Variants in GJB6 observed in about 807,000 individuals in gnomAD.
The protein encoded by GJB6 is gap junction beta-6 protein.
GJB6 carries 5 observed loss-of-function variants against 5.4 expected under a neutral mutation model. That is an observed-to-expected ratio of 0.92 (90% CI 0.48 to 1.93). The LOEUF (loss-of-function observed/expected upper bound fraction) is 1.93, where lower values mean the gene tolerates loss of function less well. Among genes scored for constraint, GJB6 ranks in the 30% most tolerant of loss-of-function variants. The probability of loss-of-function intolerance (pLI) is 0.01; values close to 1 mark genes in which losing one functional copy is unlikely to be tolerated. For missense variants in GJB6, 298 were observed against 326.9 expected, an observed-to-expected ratio of 0.91 and a Z score of 0.68; for synonymous variants, 136 against 129.6, an observed-to-expected ratio of 1.05 and a Z score of -0.34.
chr13:20,224,356 C>T (rs772353293), intron 4 of GJB6, among the ~76,000 whole-genome samples: 3 of 152,226 alleles, frequency 2.0e-5, no homozygotes, highest in Non-Finnish European at 4.4e-5. Context: ...ATCTGCCATA[C>T]TCATGTGTTC....
At chr13:20,223,639 G>A in intron 4 of GJB6, 144 bp from the exon 5 acceptor site, 1 of 736,904 alleles carries the variant, frequency 1.4e-6, no homozygotes, top group South Asian at 1.5e-5. Flanking sequence ...GCTAGTCTGA[G>A]GTTTTCTGAA....
At position 20,232,243 on chromosome 13, in the gene GJB6, C is replaced by T. The variant is rs1036196103; in HGVS notation, c.-469G>A. 1 of 151,992 alleles carries T rather than the reference C, an allele frequency of 6.6e-6. No homozygotes were observed. Among genetic ancestry groups the T allele is most frequent in the African/African-American group, 2.4e-5 (1 of 41,422 alleles). The allele number at this position is 151,992 out of a possible 1,614,324, so 9.4% of individuals were successfully genotyped here. A position where few individuals can be genotyped will look rare whatever the true frequency, so the allele number is the denominator to read the frequency against. Reference sequence around the variant, plus strand: ...CGCGGGCTCTGCGCGGGGCGGCGCCCTTCGCTCCGGCTGGGCAGGCAGGTC... The same window carrying T: ...CGCGGGCTCTGCGCGGGGCGGCGCCTTTCGCTCCGGCTGGGCAGGCAGGTC... On this transcript the variant is annotated 5_prime_UTR_variant, in exon 1 of 5. Transcript: ENST00000647029.
chr13:20,228,705 C>A (rs12870711), intron 4 of GJB6, among the ~76,000 whole-genome samples: 5 of 150,216 alleles, frequency 3.3e-5, no homozygotes, highest in African/African-American at 1.2e-4. Context: ...AGGATGGTCT[C>A]GATCTCCTGA....
chr13:20,223,224 G>T lies in GJB6; in HGVS notation c.257C>A (p.Thr86Asn). ...LWALQLIFVS[T>N]PALLVAMHVA... ...ATGCATGGCCACCAGCAGCGCTGGG[G>T]TGGAGACGAAGATCAGCTGGAGGGC... is the stretch of plus-strand genomic sequence containing the variant. Residue 86 changes from threonine (T) to asparagine (N), a missense_variant, in exon 5 of 5, where the codon ACC becomes AAC. Physicochemically the swap from Thr to Asn is moderately conservative, Grantham distance 65. Transcript: ENST00000647029. 1.2e-6 allele frequency: 2 copies of T among 1,610,448 alleles called. No individual in the cohort carries two copies. The highest frequency in any genetic ancestry group is 1.7e-6 in the Non-Finnish European group (2 of 1,177,116).
chr13:20,223,968 CGA>C (rs1491218677), intron 4 of GJB6, among the ~76,000 whole-genome samples: 2 of 145,560 alleles, frequency 1.4e-5, no homozygotes, highest in African/African-American at 5.2e-5. Context: ...GACTCTGTCT[CGA>C]AAAAAAAAAA....
intron 4 of GJB6, among the ~76,000 whole-genome samples, chr13:20,228,493 G>GTTTTTTTTTGT (rs200585465): frequency 7.0e-6 from 1 of 142,986 alleles, no homozygotes; most frequent in African/African-American, 2.6e-5. Context: ...TTTGTTTTTT[G>GTTTTTTTTTGT]TTTTTTTTGA....
At chr13:20,229,810 C>T (rs967645579) in intron 3 of GJB6, 61 bp from the exon 4 acceptor site, 29 of 131,822 alleles carry the variant, frequency 2.2e-4, no homozygotes, top group Non-Finnish European at 4.2e-4. Context: ...CCCCCGCCCC[C>T]CGCAATATGT....
Position 20,228,671 on chromosome 13 carries a change from A to G in GJB6, c.-16+909T>C, listed in dbSNP as rs1265619058. ...GGCTAATTTTTTGTATTTTTAGTAG[A>G]GACGGGGTTTCACCGTGTTAGCCAG... On this transcript the variant is annotated intron_variant, in intron 4 of 4. Coordinates refer to ENST00000647029, the MANE Select transcript of GJB6 (RefSeq NM_001110219.3). 8.6e-5 allele frequency among the ~76,000 whole-genome samples: 11 copies of G among 128,122 alleles called. No homozygotes were observed. The South Asian group carries it at 1.1e-3, about 13-fold the overall frequency. The allele number at this position is 128,122 out of a possible 152,430, so 84.1% of individuals were successfully genotyped here. A position where few individuals can be genotyped will look rare whatever the true frequency, so the allele number is the denominator to read the frequency against.
chr13:20,228,727 G>C (rs373176993), intron 4 of GJB6, among the ~76,000 whole-genome samples: 2 of 151,204 alleles, frequency 1.3e-5, no homozygotes, highest in Non-Finnish European at 2.9e-5. Context: ...CTCATGATCC[G>C]CCCCCCTTGG....
intron 4 of GJB6, among the ~76,000 whole-genome samples, chr13:20,224,245 A>G (rs1245442904): frequency 1.3e-5 from 2 of 152,176 alleles, no homozygotes. Context: ...TTGGAATGAC[A>G]TATTCTAGTT....
In GJB6 at chr13:20,225,131, G is replaced by A. The variant is rs75243051; in HGVS notation, c.-15-1636C>T. Reference sequence around the variant, plus strand: ...ACTCCTAGTTCCGTTGGCTTTCTGAGAAATTGTTTTTTTTGCCCTTGGTTG... The same window carrying A: ...ACTCCTAGTTCCGTTGGCTTTCTGAAAAATTGTTTTTTTTGCCCTTGGTTG... On this transcript the variant is annotated intron_variant, in intron 4 of 4. Coordinates refer to ENST00000647029, the MANE Select transcript of GJB6 (RefSeq NM_001110219.3). Among the ~76,000 whole-genome samples the A allele has an allele frequency of 6.9e-4, 105 of 152,304 alleles. No individual in the cohort carries two copies. In the East Asian group the frequency reaches 0.019, roughly 28 times the overall value.
At chr13:20,226,934 AAC>A (rs914202674) in intron 4 of GJB6, among the ~76,000 whole-genome samples, 2 of 152,138 alleles carry the variant, frequency 1.3e-5, no homozygotes, top group African/African-American at 4.8e-5. Context: ...CTGCCTGAAC[AAC>A]GGCACCCCGT....
At chr13:20,229,773 G>C (rs1208485922) in intron 3 of GJB6, 24 bp from the exon 4 acceptor site, 3 of 143,446 alleles carry the variant, frequency 2.1e-5, no homozygotes, top group African/African-American at 7.8e-5. Flanking sequence ...AATAGTAGCT[G>C]TTGCCATATT....
At position 20,222,814 on chromosome 13, in the gene GJB6, T is replaced by A. The variant is rs1385655901; in HGVS notation, c.667A>T (p.Lys223Ter). 6.2e-7 allele frequency: 1 copy of A among 1,614,198 alleles called. No individual in the cohort carries two copies. Among genetic ancestry groups the A allele is most frequent in the East Asian group, 2.2e-5 (1 of 44,882 alleles). Residue 223 changes from lysine to a stop codon, truncating the protein, a stop_gained, in exon 5 of 5, where the codon AAG (lysine) becomes TAG (stop). Transcript: ENST00000647029. LOFTEE classifies it high-confidence loss of function. ...LLLKVCFRRSKRAQTQKNHPN... is the reference protein window; with the variant it reads ...LLLKVCFRRS Reference sequence around the variant, plus strand: ...TGATTTTTTTGCGTCTGTGCTCTCTTTGATCTCCTAAAACACACTTTCAGC... The same window carrying A: ...TGATTTTTTTGCGTCTGTGCTCTCTATGATCTCCTAAAACACACTTTCAGC...
rs1392632687 is a variant in GJB6 at position 20,222,170 on chromosome 13, A to G, written c.*525T>C. 1 of 159,112 alleles carries G rather than the reference A, an allele frequency of 6.3e-6. No individual in the cohort carries two copies. Among genetic ancestry groups the G allele is most frequent in the Non-Finnish European group, 1.4e-5 (1 of 71,984 alleles). The allele number at this position is 159,112 out of a possible 1,614,324, so 9.9% of individuals were successfully genotyped here. A position where few individuals can be genotyped will look rare whatever the true frequency, so the allele number is the denominator to read the frequency against. On this transcript the variant is annotated 3_prime_UTR_variant, in exon 5 of 5. Coordinates refer to ENST00000647029, the MANE Select transcript of GJB6 (RefSeq NM_001110219.3). ...CAGTTCACAAATTTGCCAACAGACA[A>G]TGCAAAACAATATTTACAAGATAGA...
intron 4 of GJB6, among the ~76,000 whole-genome samples, chr13:20,228,799 A>T (rs546740534): frequency 6.6e-6 from 1 of 152,128 alleles, no homozygotes; most frequent in South Asian, 2.1e-4. Context: ...TATATTCTTG[A>T]TACTAAAGCT....
chr13:20,226,444 G>A (rs1869584903), intron 4 of GJB6, among the ~76,000 whole-genome samples: 1 of 152,184 alleles, frequency 6.6e-6, no homozygotes, highest in African/African-American at 2.4e-5. Flanking sequence ...CATAATTAAA[G>A]TGTATGTACT....
At chr13:20,227,433 G>C (rs1461684503) in intron 4 of GJB6, among the ~76,000 whole-genome samples, 2 of 152,168 alleles carry the variant, frequency 1.3e-5, no homozygotes, top group Non-Finnish European at 1.5e-5. Context: ...TCCTGGTTCA[G>C]AGTGTCCTCC....
chr13:20,227,450 A>G (rs1869671091), intron 4 of GJB6, among the ~76,000 whole-genome samples: 3 of 152,146 alleles, frequency 2.0e-5, no homozygotes. Context: ...CTCCTGCAAG[A>G]GCCACAAAGG....
Sources: gnomAD v4.1 joint callset for allele counts (sites outside exome capture counted in the v4.1 genomes callset) on GRCh38, gnomAD v4.1.1 for gene constraint, MANE v1.5 for transcripts, NCBI Gene and HGNC (gene_info 2026-07-23, HGNC 2026-07-21) for gene names.